Variants in IQSEC3 observed in about 807,000 individuals in gnomAD.
IQSEC3 encodes the protein IQ motif and SEC7 domain-containing protein 3.
Under a neutral mutation model 105.4 loss-of-function variants are expected in IQSEC3, and 50 were observed. That is an observed-to-expected ratio of 0.47 (90% CI 0.38 to 0.60). The LOEUF (loss-of-function observed/expected upper bound fraction) is 0.60. Ranked by LOEUF, IQSEC3 falls within the 20% of genes least tolerant of loss-of-function variation. The probability of loss-of-function intolerance (pLI) is 0.00; values close to 1 mark genes in which losing one functional copy is unlikely to be tolerated. For missense variants in IQSEC3, 1,415 were observed against 1,630.0 expected, an observed-to-expected ratio of 0.87 and a Z score of 2.27; for synonymous variants, 708 against 746.0, an observed-to-expected ratio of 0.95 and a Z score of 0.83.
intron 3 of IQSEC3, among the ~76,000 whole-genome samples, chr12:127,990 T>C (rs966935017): frequency 3.9e-5 from 6 of 152,240 alleles, no homozygotes; most frequent in Admixed American, 3.9e-4. Context: ...CTTGGGCAAG[T>C]TGCTTGACTT....
intron 1 of IQSEC3, among the ~76,000 whole-genome samples, chr12:79,907 A>G (rs1248604410): frequency 6.6e-6 from 1 of 152,166 alleles, no homozygotes; most frequent in Non-Finnish European, 1.5e-5. Flanking sequence ...TTTTACAGAG[A>G]TACTAGTATC....
intron 8 of IQSEC3, among the ~76,000 whole-genome samples, chr12:162,408 T>C (rs563682443): frequency 6.6e-6 from 1 of 152,078 alleles, no homozygotes; most frequent in Non-Finnish European, 1.5e-5. Context: ...ATGGTCCTGA[T>C]GAGTGGAAGG....
intron 1 of IQSEC3, among the ~76,000 whole-genome samples, chr12:80,598 T>C (rs568432800): frequency 3.9e-5 from 6 of 152,326 alleles, no homozygotes; most frequent in African/African-American, 1.2e-4. Flanking sequence ...TTAACAAATA[T>C]TTATTATCTG....
intron 2 of IQSEC3, among the ~76,000 whole-genome samples, chr12:113,975 G>T (rs60938166): frequency 0.069 from 10,457 of 152,290 alleles, 515 homozygotes; most frequent in South Asian, 0.22. Flanking sequence ...TCTAGGTTCA[G>T]GTCCTGGCTT....
At chr12:116,467 A>G (rs1482690034) in intron 2 of IQSEC3, among the ~76,000 whole-genome samples, 2 of 152,132 alleles carry the variant, frequency 1.3e-5, no homozygotes, top group Non-Finnish European at 2.9e-5. Context: ...GTGGTTCCTG[A>G]TGGTCACCCG....
At chr12:101,084 A>C (rs1864407563) in intron 2 of IQSEC3, among the ~76,000 whole-genome samples, 1 of 152,174 alleles carries the variant, frequency 6.6e-6, no homozygotes, top group African/African-American at 2.4e-5. Flanking sequence ...GTGAGGATGG[A>C]TAACACACCC....
intron 1 of IQSEC3, 49 bp from the exon 2 acceptor site, chr12:99,090 AGGGCGGG>A (rs1864334712): frequency 4.0e-6 from 6 of 1,485,080 alleles, no homozygotes; most frequent in Non-Finnish European, 5.5e-6. Flanking sequence ...AGTGTCAGGC[AGGGCGGG>A]GACCCAGCCT....
intron 2 of IQSEC3, among the ~76,000 whole-genome samples, chr12:120,233 G>C (rs1186201561): frequency 6.6e-6 from 1 of 152,236 alleles, no homozygotes; most frequent in Non-Finnish European, 1.5e-5. Context: ...TCCTGGGGAA[G>C]TGAGCGATTC....
At chr12:132,288 A>T (rs1167208613) in intron 3 of IQSEC3, among the ~76,000 whole-genome samples, 1 of 152,058 alleles carries the variant, frequency 6.6e-6, no homozygotes, top group Non-Finnish European at 1.5e-5. Context: ...GTCGGGGGAG[A>T]GCAGGCAGGA....
intron 5 of IQSEC3, among the ~76,000 whole-genome samples, chr12:150,294 A>AT (rs1490997297): frequency 1.9e-4 from 29 of 152,142 alleles, no homozygotes; most frequent in Admixed American, 1.9e-3. Context: ...CAGATTTTCC[A>AT]TTTCAGAGGC....
intron 2 of IQSEC3, among the ~76,000 whole-genome samples, chr12:107,321 A>G (rs1352228838): frequency 7.4e-5 from 11 of 149,070 alleles, no homozygotes; most frequent in African/African-American, 2.5e-4. Context: ...TAGTCTCCCT[A>G]TTTTGGACAT....
chr12:88,523 G>T (rs146784697), intron 1 of IQSEC3, among the ~76,000 whole-genome samples: 1 of 152,328 alleles, frequency 6.6e-6, no homozygotes, highest in East Asian at 1.9e-4. Context: ...TCAAAGAGAA[G>T]CAAGTCCTGG....
At chr12:150,463 G>A (rs1428599939) in intron 5 of IQSEC3, among the ~76,000 whole-genome samples, 3 of 152,222 alleles carry the variant, frequency 2.0e-5, no homozygotes, top group Non-Finnish European at 4.4e-5. Flanking sequence ...TGGTTGTTGA[G>A]AGGGGGATAG....
chr12:91,829 AC>A (rs111941023), intron 1 of IQSEC3, among the ~76,000 whole-genome samples: 37 of 150,808 alleles, frequency 2.5e-4, no homozygotes, highest in African/African-American at 7.6e-4. Context: ...TTCCTGACTG[AC>A]CCCCAGCTTC....
chr12:147,999 A>C (rs887110210), intron 5 of IQSEC3: 1 of 152,112 alleles, frequency 6.6e-6, no homozygotes, highest in Admixed American at 6.5e-5. Context: ...GAAAATGATC[A>C]TGTATTAAGC....
At position 174,583 on chromosome 12, in the gene IQSEC3, G is replaced by T; in HGVS notation, c.3115-16G>T. ...TCTTGTAACATTTCATGCTTCTCTGGCTGTTTCTAAACTAGGTGTCAATTC... is the reference window on the plus strand; with the variant it reads ...TCTTGTAACATTTCATGCTTCTCTGTCTGTTTCTAAACTAGGTGTCAATTC... On this transcript the variant is annotated splice_polypyrimidine_tract_variant and intron_variant, in intron 13 of 13. Coordinates refer to ENST00000538872, the MANE Select transcript of IQSEC3 (RefSeq NM_001170738.2). 1.3e-6 allele frequency: 2 copies of T among 1,519,162 alleles called. No homozygotes were observed. Among genetic ancestry groups the T allele is most frequent in the Non-Finnish European group, 1.8e-6 (2 of 1,138,596 alleles). 94.1% of individuals were successfully genotyped at this position (1,519,162 alleles called of 1,614,324 possible). A position where few individuals can be genotyped will look rare whatever the true frequency, so the allele number is the denominator to read the frequency against.
At chr12:73,169 G>T (rs1222154090) in intron 1 of IQSEC3, among the ~76,000 whole-genome samples, 1 of 150,260 alleles carries the variant, frequency 6.7e-6, no homozygotes, top group Non-Finnish European at 1.5e-5. Context: ...GGTAACCACT[G>T]GATCACACAG....
intron 2 of IQSEC3, among the ~76,000 whole-genome samples, chr12:101,694 C>G (rs568233755): frequency 6.6e-6 from 1 of 152,138 alleles, no homozygotes; most frequent in Non-Finnish European, 1.5e-5. Context: ...TTTCCTAGAG[C>G]CTGTTTTTGT....
chr12:162,400 G>T (rs1395860484), intron 8 of IQSEC3, among the ~76,000 whole-genome samples: 3 of 152,100 alleles, frequency 2.0e-5, no homozygotes, highest in Non-Finnish European at 4.4e-5. Context: ...ATTCCTGGAT[G>T]GTCCTGATGA....
Sources: allele counts gnomAD v4.1 joint callset (sites outside exome capture counted in the v4.1 genomes callset), GRCh38; gene constraint gnomAD v4.1.1; transcripts MANE v1.5; gene names NCBI Gene and HGNC (gene_info 2026-07-23, HGNC 2026-07-21).